Variants in TCF7L2 observed in about 807,000 individuals in gnomAD.
The protein encoded by TCF7L2 is transcription factor 7-like 2.
TCF7L2 carries 23 observed loss-of-function variants against 77.9 expected under a neutral mutation model. The ratio of observed to expected loss-of-function variants is 0.30; its 90% confidence interval spans 0.21 to 0.42. The LOEUF is 0.42. TCF7L2 is among the 10% of genes least tolerant of loss of function. The pLI is 1.00. For synonymous variants in TCF7L2, 413 were observed against 340.2 expected, an observed-to-expected ratio of 1.21 and a Z score of -2.36; for missense variants, 654 against 793.1, an observed-to-expected ratio of 0.82 and a Z score of 2.11.
chr10:112,976,230 C>T (rs2039399258), intron 4 of TCF7L2, among the ~76,000 whole-genome samples: 1 of 152,166 alleles, frequency 6.6e-6, no homozygotes, highest in African/African-American at 2.4e-5. Flanking sequence ...GCTATTTTTA[C>T]CATTGAGGAT....
intron 5 of TCF7L2, among the ~76,000 whole-genome samples, chr10:113,134,005 T>A (rs1481503008): frequency 2.6e-5 from 4 of 152,206 alleles, no homozygotes; most frequent in Non-Finnish European, 5.9e-5. Flanking sequence ...TCTTTTCTCT[T>A]ACCACCTTGT....
rs1167150828 is a variant in TCF7L2 at position 112,950,711 on chromosome 10, C to T, written c.-46C>T. On this transcript the variant is annotated 5_prime_UTR_variant, in exon 1 of 14. Coordinates refer to ENST00000627217, the MANE Select transcript of TCF7L2 (RefSeq NM_001146274.2). ...GGGTGATTTTTTTTGGCTTTTCTTC[C>T]TCCTTCATTTTTCTTCCAAAATTGC... 1 of 1,519,770 alleles carries T rather than the reference C, an allele frequency of 6.6e-7. No homozygotes were observed. The highest frequency in any genetic ancestry group is 8.8e-7 in the Non-Finnish European group (1 of 1,138,272). 94.1% of individuals were successfully genotyped at this position (1,519,770 alleles called of 1,614,324 possible).
chr10:113,089,319 G>C, intron 5 of TCF7L2: 1 of 1,483,992 alleles, frequency 6.7e-7, no homozygotes. Flanking sequence ...CAGAAAGGAA[G>C]GCTGGGGGCT....
chr10:113,070,269 TTATATATA>T (rs34181424), intron 5 of TCF7L2, among the ~76,000 whole-genome samples: 1 of 124,138 alleles, frequency 8.1e-6, no homozygotes, highest in African/African-American at 3.1e-5. Flanking sequence ...AAAAAAAAAT[TTATATATA>T]TATATATATA....
intron 5 of TCF7L2, among the ~76,000 whole-genome samples, chr10:113,106,709 G>C (rs1005366469): frequency 6.6e-6 from 1 of 152,164 alleles, no homozygotes. Flanking sequence ...GTGCTTTAGC[G>C]ATACATAGAC....
intron 4 of TCF7L2, among the ~76,000 whole-genome samples, chr10:113,013,495 G>A (rs2046810114): frequency 6.6e-6 from 1 of 152,206 alleles, no homozygotes. Context: ...AATTAATACA[G>A]GGAGGTAAGA....
chr10:113,126,789 GCGGCCGGCGCGGGC>G lies in TCF7L2; in HGVS notation c.553-14393_553-14380del, dbSNP rs2065694354. The G allele has an allele frequency of 8.4e-5, 83 of 985,314 alleles. No individual in the cohort carries two copies. In the South Asian group the frequency reaches 3.4e-3, roughly 41 times the overall value. 61.0% of individuals were successfully genotyped at this position (985,314 alleles called of 1,614,324 possible). A position where few individuals can be genotyped will look rare whatever the true frequency, so the allele number is the denominator to read the frequency against. On this transcript the variant is annotated intron_variant, in intron 5 of 13. Transcript: ENST00000627217. ...CGGGTGCTGCCCTCCAGTGGAGCCC[GCGGCCGGCGCGGGC>G]CCTGGGCAGCATCTGGGCGCAGGCA...
At chr10:113,125,600 G>A (rs926760092) in intron 5 of TCF7L2, 6 of 152,080 alleles carry the variant, frequency 3.9e-5, no homozygotes, top group Non-Finnish European at 2.9e-5. Context: ...GCAACGGGCC[G>A]GCTCCAATGA....
At chr10:113,062,663 A>G (rs1037363026) in intron 5 of TCF7L2, among the ~76,000 whole-genome samples, 1 of 151,984 alleles carries the variant, frequency 6.6e-6, no homozygotes, top group Non-Finnish European at 1.5e-5. Context: ...AGGCCAGATT[A>G]TTTAGTTTTT....
chr10:113,152,015 C>A (rs1183535150), intron 10 of TCF7L2, 131 bp downstream of exon 10: 21 of 1,252,044 alleles, frequency 1.7e-5, no homozygotes, highest in Non-Finnish European at 1.1e-6. Context: ...CATTCTGAAT[C>A]CTTGAATGGC....
intron 4 of TCF7L2, among the ~76,000 whole-genome samples, chr10:113,006,086 A>C (rs1188238333): frequency 2.0e-5 from 3 of 152,116 alleles, no homozygotes; most frequent in Admixed American, 2.0e-4. Flanking sequence ...AGTCAGGATA[A>C]ATTTGACCCT....
At chr10:113,144,274 C>T (rs1228260609) in intron 7 of TCF7L2, among the ~76,000 whole-genome samples, 2 of 152,030 alleles carry the variant, frequency 1.3e-5, no homozygotes, top group South Asian at 2.1e-4. Flanking sequence ...CTTAGCATTC[C>T]GCGACCATGG....
At chr10:113,107,752 TAAAAA>T (rs398014821) in intron 5 of TCF7L2, among the ~76,000 whole-genome samples, 41 of 55,262 alleles carry the variant, frequency 7.4e-4, no homozygotes, top group Non-Finnish European at 1.1e-3. Context: ...AGACTCCGTC[TAAAAA>T]AAAAAAAAAA....
intron 5 of TCF7L2, among the ~76,000 whole-genome samples, chr10:113,080,208 TG>T (rs2059183121): frequency 6.6e-6 from 1 of 151,984 alleles, no homozygotes. Flanking sequence ...GCCAAAGTTT[TG>T]GGTGGCGCAA....
intron 4 of TCF7L2, among the ~76,000 whole-genome samples, chr10:113,020,966 C>A (rs2048180747): frequency 2.0e-5 from 3 of 152,124 alleles, no homozygotes; most frequent in African/African-American, 7.2e-5. Flanking sequence ...CAGTTGAGTG[C>A]CAGCTGGGAT....
intron 5 of TCF7L2, among the ~76,000 whole-genome samples, chr10:113,061,438 G>A (rs563795882): frequency 6.6e-6 from 1 of 152,272 alleles, no homozygotes; most frequent in South Asian, 2.1e-4. Context: ...AGGGAACAGC[G>A]TAAACTCAGC....
intron 3 of TCF7L2, among the ~76,000 whole-genome samples, chr10:112,961,254 A>ACCCCCCCCCCCCCCCC (rs372246814): frequency 1.7e-5 from 1 of 60,482 alleles, no homozygotes; most frequent in Admixed American, 1.7e-4. Context: ...ACCTCAGGTG[A>ACCCCCCCCCCCCCCCC]CCCCCCCCCC....
intron 5 of TCF7L2, among the ~76,000 whole-genome samples, chr10:113,083,223 G>A (rs749211301): frequency 3.3e-5 from 5 of 149,768 alleles, no homozygotes; most frequent in Admixed American, 6.7e-5. Flanking sequence ...CTTGCCATTC[G>A]TGACTCTAGG....
chr10:113,107,752 T>TAAAAAAAA (rs398014821), intron 5 of TCF7L2, among the ~76,000 whole-genome samples: 1,886 of 55,150 alleles, frequency 0.034, 278 homozygotes, highest in Non-Finnish European at 0.05. Context: ...AGACTCCGTC[T>TAAAAAAAA]AAAAAAAAAA....
Sources: allele counts gnomAD v4.1 joint callset (sites outside exome capture counted in the v4.1 genomes callset), GRCh38; gene constraint gnomAD v4.1.1; transcripts MANE v1.5; gene names NCBI Gene and HGNC (gene_info 2026-07-23, HGNC 2026-07-21).